Variants in ATF6 observed in about 807,000 individuals in gnomAD.
ATF6 encodes the protein cyclic AMP-dependent transcription factor ATF-6 alpha.
In ATF6, 53 loss-of-function variants were observed where a neutral mutation model predicts 83.6. The ratio of observed to expected loss-of-function variants is 0.63; its 90% CI spans 0.51 to 0.80. The LOEUF is 0.80. Ranked by LOEUF, ATF6 falls within the 30% of genes least tolerant of loss-of-function variation. The pLI is 0.00. For missense variants in ATF6, 744 were observed against 797.9 expected, an observed-to-expected ratio of 0.93 and a Z score of 0.81; for synonymous variants, 288 against 285.8, an observed-to-expected ratio of 1.01 and a Z score of -0.08.
chr1:161,826,202 T>C (rs1004295806), intron 9 of ATF6, among the ~76,000 whole-genome samples: 3 of 152,022 alleles, frequency 2.0e-5, no homozygotes, highest in Admixed American at 2.0e-4. Flanking sequence ...CTACAGGAAG[T>C]GACAGTGGGG....
intron 1 of ATF6, among the ~76,000 whole-genome samples, chr1:161,770,711 G>T (rs1306353614): frequency 6.6e-6 from 1 of 152,164 alleles, no homozygotes; most frequent in African/African-American, 2.4e-5. Context: ...TTCACAGTTT[G>T]CTTATCCACT....
At chr1:161,822,008 A>G (rs1004722837) in intron 9 of ATF6, among the ~76,000 whole-genome samples, 2 of 152,236 alleles carry the variant, frequency 1.3e-5, no homozygotes, top group Non-Finnish European at 2.9e-5. Flanking sequence ...GGATAATTCA[A>G]AAATTTCTAC....
At chr1:161,834,777 A>G (rs1233664976) in intron 9 of ATF6, among the ~76,000 whole-genome samples, 3 of 152,272 alleles carry the variant, frequency 2.0e-5, no homozygotes, top group African/African-American at 7.2e-5. Context: ...AAGTATAATA[A>G]TAATAATAAC....
chr1:161,843,450 T>C (rs765945611), intron 9 of ATF6, among the ~76,000 whole-genome samples: 3 of 152,210 alleles, frequency 2.0e-5, no homozygotes, highest in African/African-American at 7.2e-5. Context: ...AATAAATTAA[T>C]GGATGAATCA....
chr1:161,888,236 A>T (rs568253512), intron 14 of ATF6, among the ~76,000 whole-genome samples: 1 of 152,336 alleles, frequency 6.6e-6, no homozygotes, highest in South Asian at 2.1e-4. Flanking sequence ...TGCTTTTTTA[A>T]AAGAGCAACT....
chr1:161,786,687 G>A (rs1174509215), intron 4 of ATF6, among the ~76,000 whole-genome samples: 1 of 152,034 alleles, frequency 6.6e-6, no homozygotes, highest in African/African-American at 2.4e-5. Flanking sequence ...TTACCAGTCC[G>A]ATGCCCCTAT....
rs796670401 is a variant in ATF6 at position 161,897,606 on chromosome 1, A to G, written c.1720-14690A>G. Among the ~76,000 whole-genome samples, 9 of 152,288 alleles carry G rather than the reference A, an allele frequency of 5.9e-5. No individual in the cohort carries two copies. The South Asian group carries it at 1.9e-3, about 32-fold the overall frequency. ...TTTTCTGTTCGGGAGGAAGCCTGAAAGGGTCATTTCCCAAAAGAAGTTTAT... is the reference window on the plus strand; with the variant it reads ...TTTTCTGTTCGGGAGGAAGCCTGAAGGGGTCATTTCCCAAAAGAAGTTTAT... On this transcript the variant is annotated intron_variant, in intron 14 of 15. Coordinates refer to ENST00000367942, the MANE Select transcript of ATF6 (RefSeq NM_007348.4).
chr1:161,812,976 C>T (rs1685512290), intron 7 of ATF6, among the ~76,000 whole-genome samples: 1 of 152,074 alleles, frequency 6.6e-6, no homozygotes, highest in South Asian at 2.1e-4. Context: ...TCTCCTAATC[C>T]AGTGGTGTCA....
intron 1 of ATF6, among the ~76,000 whole-genome samples, chr1:161,775,347 C>T (rs1354745744): frequency 6.6e-6 from 1 of 152,186 alleles, no homozygotes; most frequent in Non-Finnish European, 1.5e-5. Context: ...TATTAAACCT[C>T]TAACCACGAG....
chr1:161,809,940 G>A (rs1008835645), intron 7 of ATF6, among the ~76,000 whole-genome samples: 3 of 152,140 alleles, frequency 2.0e-5, no homozygotes, highest in Non-Finnish European at 4.4e-5. Flanking sequence ...TTAGCCCTTT[G>A]TCAGATGAGT....
chr1:161,934,953 C>G lies in ATF6; in HGVS notation c.1804+22573C>G, dbSNP rs17450917. Among the ~76,000 whole-genome samples, 959 of 152,274 alleles carry G rather than the reference C, an allele frequency of 6.3e-3. 3 individuals are homozygous for G. Among genetic ancestry groups the G allele is most frequent in the Non-Finnish European group, 0.011 (749 of 68,038 alleles). ...CTCTGCCTACCCTTGATTCAAGTGA[C>G]CTTTCATTACAGATAATCTGGTTTT... On this transcript the variant is annotated intron_variant, in intron 15 of 15. Coordinates refer to ENST00000367942, the MANE Select transcript of ATF6 (RefSeq NM_007348.4).
At chr1:161,822,852 G>A (rs966865833) in intron 9 of ATF6, among the ~76,000 whole-genome samples, 5 of 152,124 alleles carry the variant, frequency 3.3e-5, no homozygotes, top group African/African-American at 1.2e-4. Flanking sequence ...GATACAGGAA[G>A]AACATTTCAT....
chr1:161,772,095 T>G (rs369754252), intron 1 of ATF6, among the ~76,000 whole-genome samples: 1 of 152,368 alleles, frequency 6.6e-6, no homozygotes, highest in African/African-American at 2.4e-5. Flanking sequence ...TGTTCAGTCC[T>G]TCTGAGATTT....
intron 10 of ATF6, among the ~76,000 whole-genome samples, chr1:161,849,032 T>C (rs1001647638): frequency 5.3e-5 from 8 of 152,168 alleles, no homozygotes; most frequent in Non-Finnish European, 1.2e-4. Context: ...CACAAATATA[T>C]TTTCAAAAGC....
chr1:161,846,381 C>G, intron 9 of ATF6, 68 bp from the exon 10 acceptor site: 1 of 1,492,708 alleles, frequency 6.7e-7, no homozygotes, highest in South Asian at 1.3e-5. Flanking sequence ...TGTTTCACAG[C>G]TGCATGTAGC....
At chr1:161,796,854 C>T (rs1273971853) in intron 6 of ATF6, among the ~76,000 whole-genome samples, 3 of 151,642 alleles carry the variant, frequency 2.0e-5, no homozygotes, top group Admixed American at 2.0e-4. Context: ...TATTTGGATG[C>T]CTTTTATTTC....
At chr1:161,928,205 A>C (rs977720760) in intron 15 of ATF6, among the ~76,000 whole-genome samples, 1 of 152,222 alleles carries the variant, frequency 6.6e-6, no homozygotes, top group Non-Finnish European at 1.5e-5. Context: ...CTGAAAAGCA[A>C]GTGCTAACTT....
intron 7 of ATF6, among the ~76,000 whole-genome samples, chr1:161,808,880 T>A (rs193248493): frequency 6.6e-6 from 1 of 152,244 alleles, no homozygotes; most frequent in Admixed American, 6.5e-5. Context: ...CTTTTTCTTA[T>A]TCTTTTAATA....
intron 9 of ATF6, among the ~76,000 whole-genome samples, chr1:161,821,853 G>T (rs946215051): frequency 2.0e-5 from 3 of 152,112 alleles, no homozygotes; most frequent in African/African-American, 7.2e-5. Flanking sequence ...GACTATTGAG[G>T]TGTTTCAGGT....
Sources: gnomAD v4.1 joint callset for allele counts (sites outside exome capture counted in the v4.1 genomes callset) on GRCh38, gnomAD v4.1.1 for gene constraint, MANE v1.5 for transcripts, NCBI Gene and HGNC (gene_info 2026-07-23, HGNC 2026-07-21) for gene names.